The following STAT5B variants were observed in gnomAD, a reference collection of about 807,000 sequenced individuals.
The protein encoded by STAT5B is transcription factor STAT5B.
In STAT5B, 21 loss-of-function variants were observed where a neutral mutation model predicts 107.8. That is an observed-to-expected ratio of 0.19 (90% CI 0.14 to 0.28). STAT5B has a LOEUF of 0.28. Among genes scored for constraint, STAT5B ranks in the 10% least tolerant of loss-of-function variants. The pLI is 1.00. For missense variants in STAT5B, 565 were observed against 1,008.2 expected (o/e 0.56, Z 5.95); for synonymous variants, 325 against 401.7 (o/e 0.81, Z 2.28).
upstream of STAT5B, among the ~76,000 whole-genome samples, chr17:42,276,895 G>A (rs528647211): frequency 6.6e-6 from 1 of 152,212 alleles, no homozygotes; most frequent in Non-Finnish European, 1.5e-5. The surrounding 1 kb of genome is among the most constrained non-coding windows in gnomAD (Gnocchi z 4.8). Context: ...TTGCCCCCGG[G>A]AGGGCGTCTC....
In STAT5B at chr17:42,218,822, T is replaced by G; in HGVS notation, c.890A>C (p.Glu297Ala). The change falls in exon 8 of 19, where the codon GAG becomes GCG. Residue 297 changes from glutamate (E) to alanine (A), a missense_variant. Coordinates refer to ENST00000293328, the MANE Select transcript of STAT5B (RefSeq NM_012448.4). ...WQNRQQIRRA[E>A]HLCQQLPIPG... ...GATGGGCAGCTGCTGGCAGAGGTGC[T>G]CAGCCCTGCGGATCTGCTGCCGGTT... is the stretch of plus-strand genomic sequence containing the variant. The G allele has an allele frequency of 6.2e-7, 1 of 1,613,306 alleles. No homozygotes were observed. Among genetic ancestry groups the G allele is most frequent in the South Asian group, 1.1e-5 (1 of 91,044 alleles).
the STAT5B span, among the ~76,000 whole-genome samples, chr17:42,283,859 C>T: frequency 5.3e-5 from 8 of 152,134 alleles, no homozygotes; most frequent in African/African-American, 1.9e-4. Flanking sequence ...TGAGCATGGG[C>T]CCATGGCCCC....
At chr17:42,245,427 C>A (rs1243393179) in intron 1 of STAT5B, among the ~76,000 whole-genome samples, 1 of 151,660 alleles carries the variant, frequency 6.6e-6, no homozygotes, top group African/African-American at 2.4e-5. Flanking sequence ...TCTTGGCTCA[C>A]TGCAACCCCC....
At position 42,199,550 on chromosome 17, in the gene STAT5B, T is replaced by C. The variant is rs140444425; in HGVS notation, c.*2188A>G. On this transcript the variant is annotated 3_prime_UTR_variant, in exon 19 of 19. Transcript: ENST00000293328. ...GGGTCGAGACACACCACTACCTTTA[T>C]CTTGTGGTTTGCAGGAACAAGGAGG... is the stretch of plus-strand genomic sequence containing the variant. 6.6e-6 allele frequency: 1 copy of C among 152,272 alleles called. No individual in the cohort carries two copies. The highest frequency in any genetic ancestry group is 2.4e-5 in the African/African-American group (1 of 41,420). 9.4% of individuals were successfully genotyped at this position (152,272 alleles called of 1,614,324 possible). A position where few individuals can be genotyped will look rare whatever the true frequency, so the allele number is the denominator to read the frequency against.
intron 3 of STAT5B, 45 bp from the exon 4 acceptor site, chr17:42,224,913 T>A: frequency 6.2e-7 from 1 of 1,603,756 alleles, no homozygotes; most frequent in Non-Finnish European, 8.5e-7. Flanking sequence ...CACTCCACAC[T>A]ATGGGCCCTA....
At chr17:42,260,973 G>A (rs2080591016) in intron 1 of STAT5B, among the ~76,000 whole-genome samples, 1 of 149,694 alleles carries the variant, frequency 6.7e-6, no homozygotes, top group Non-Finnish European at 1.5e-5. Context: ...CTGAAGTGCA[G>A]TGGTGCAATC....
chr17:42,201,729 G>T lies in STAT5B; in HGVS notation c.*9C>A. On this transcript the variant is annotated 3_prime_UTR_variant, in exon 19 of 19. Coordinates refer to ENST00000293328, the MANE Select transcript of STAT5B (RefSeq NM_012448.4). Reference sequence around the variant, plus strand: ...AGATGAAGAAGCTGAAGATGGAGAGGTCGCGGGGTCACGATTGTGCGTGCG... The same window carrying T: ...AGATGAAGAAGCTGAAGATGGAGAGTTCGCGGGGTCACGATTGTGCGTGCG... The T allele has an allele frequency of 6.5e-7, 1 of 1,533,464 alleles. No individual in the cohort carries two copies. Among genetic ancestry groups the T allele is most frequent in the Non-Finnish European group, 9.0e-7 (1 of 1,106,232 alleles). 95.0% of individuals were successfully genotyped at this position (1,533,464 alleles called of 1,614,324 possible).
At chr17:42,203,264 T>C (rs1306526481) in intron 16 of STAT5B, among the ~76,000 whole-genome samples, 3 of 152,142 alleles carry the variant, frequency 2.0e-5, no homozygotes, top group Non-Finnish European at 4.4e-5. Context: ...TTCAATCTGT[T>C]AGGAAGACCT....
rs200810500 is a variant in STAT5B at position 42,263,866 on chromosome 17, A to AGCGCGCGC, written c.-11+12381_-11+12382insGCGCGCGC. Among the ~76,000 whole-genome samples the AGCGCGCGC allele has an allele frequency of 4.4e-3, 414 of 93,266 alleles. 3 individuals carry two copies. The highest frequency in any genetic ancestry group is 0.017 in the African/African-American group (401 of 23,994). 61.2% of individuals were successfully genotyped at this position (93,266 alleles called of 152,430 possible). A position where few individuals can be genotyped will look rare whatever the true frequency, so the allele number is the denominator to read the frequency against. On this transcript the variant is annotated intron_variant, in intron 1 of 18. Coordinates refer to ENST00000293328, the MANE Select transcript of STAT5B (RefSeq NM_012448.4). ...ATAGAAAAATGGAAAGATACTAGAA[A>AGCGCGCGC]GCGCGCACACACACACACACACACA...
At chr17:42,218,045 G>A in intron 9 of STAT5B, 106 bp downstream of exon 9, 1 of 1,536,066 alleles carries the variant, frequency 6.5e-7, no homozygotes, top group Non-Finnish European at 8.8e-7. Flanking sequence ...GCCCAGAAGA[G>A]GCCAGAAGGG....
intron 16 of STAT5B, 82 bp from the exon 17 acceptor site, chr17:42,202,890 A>C: frequency 6.4e-7 from 1 of 1,551,374 alleles, no homozygotes; most frequent in Non-Finnish European, 8.9e-7. Context: ...ATCTTTTCTT[A>C]GGACAGAACA....
At chr17:42,218,578 G>C (rs2080194578) in intron 8 of STAT5B, 145 bp downstream of exon 8, 2 of 1,535,144 alleles carry the variant, frequency 1.3e-6, no homozygotes, top group African/African-American at 1.4e-5. Flanking sequence ...GGAGAAACTG[G>C]GCAAGGGCCA....
intron 1 of STAT5B, among the ~76,000 whole-genome samples, chr17:42,254,360 A>T (rs575146087): frequency 3.3e-5 from 5 of 152,150 alleles, no homozygotes; most frequent in Admixed American, 3.3e-4. Flanking sequence ...GTCTCTTAAA[A>T]AATAATAATA....
chr17:42,262,844 A>G (rs7207591), intron 1 of STAT5B, among the ~76,000 whole-genome samples: 39,905 of 122,624 alleles, frequency 0.33, 8,055 homozygotes, highest in African/African-American at 0.53. Context: ...ACACACATAT[A>G]TATGTATATA....
chr17:42,212,214 C>A lies in STAT5B; in HGVS notation c.1474-24G>T, dbSNP rs777198405. 2.5e-6 allele frequency: 4 copies of A among 1,614,080 alleles called. No individual in the cohort carries two copies. The Admixed American group carries it at 6.7e-5, about 27-fold the overall frequency. ...CCCTGAGAGGGAGAGAGGCCAGAAT[C>A]TGATGAGAAAACAGTTGCATGATTT... On this transcript the variant is annotated intron_variant, in intron 12 of 18. Transcript: ENST00000293328.
intron 16 of STAT5B, among the ~76,000 whole-genome samples, chr17:42,205,923 C>CA (rs370495422): frequency 2.4e-4 from 37 of 151,480 alleles, no homozygotes; most frequent in Non-Finnish European, 4.6e-4. Context: ...AAAACAACAA[C>CA]AAAAAAAACA....
chr17:42,200,833 G>C lies in STAT5B; in HGVS notation c.*905C>G. ...TGTGCATCCGCTGGCTCAGAGAAAG[G>C]CTGGGCAGCCGGAACAGCAGCTTCC... On this transcript the variant is annotated 3_prime_UTR_variant, in exon 19 of 19. Coordinates refer to ENST00000293328, the MANE Select transcript of STAT5B (RefSeq NM_012448.4). The C allele has an allele frequency of 5.3e-6, 2 of 377,284 alleles. No individual in the cohort carries two copies. The highest frequency in any genetic ancestry group is 9.4e-6 in the Non-Finnish European group (2 of 212,924). The allele number at this position is 377,284 out of a possible 1,614,324, so 23.4% of individuals were successfully genotyped here.
intron 1 of STAT5B, among the ~76,000 whole-genome samples, chr17:42,255,561 G>C (rs946980248): frequency 1.3e-5 from 2 of 152,220 alleles, no homozygotes; most frequent in African/African-American, 2.4e-5. Flanking sequence ...CAAAGGGGCA[G>C]ATAGTGTATG....
chr17:42,217,452 G>A lies in STAT5B; in HGVS notation c.1182C>T (p.Gly394=), dbSNP rs756173306. 1.8e-5 allele frequency: 29 copies of A among 1,614,014 alleles called. No homozygotes were observed. Among genetic ancestry groups the A allele is most frequent in the East Asian group, 4.5e-5 (2 of 44,902 alleles). ...KNENTRNDYS[G]EILNNCCVME... ...TGACGCAGCAGTTGTTCAAGATCTCGCCACTGTAATCACTGCAAATCAGAG... is the reference window on the plus strand; with the variant it reads ...TGACGCAGCAGTTGTTCAAGATCTCACCACTGTAATCACTGCAAATCAGAG... Residue 394 remains glycine (G), a synonymous_variant, in exon 10 of 19, where the codon GGC becomes GGT. Coordinates refer to ENST00000293328, the MANE Select transcript of STAT5B (RefSeq NM_012448.4).
Sources: gnomAD v4.1 joint callset for allele counts (sites outside exome capture counted in the v4.1 genomes callset) on GRCh38, gnomAD v4.1.1 for gene constraint, Gnocchi (gnomAD v3.1) non-coding constraint, MANE v1.5 for transcripts, NCBI Gene and HGNC (gene_info 2026-07-23, HGNC 2026-07-21) for gene names.